Variants in ABCA12 observed in about 807,000 individuals in gnomAD.
ABCA12 encodes glucosylceramide transporter ABCA12.
Under a neutral mutation model 293.5 loss-of-function variants are expected in ABCA12, and 156 were observed. That is an observed-to-expected ratio of 0.53 (90% confidence interval 0.47 to 0.61). ABCA12 has a LOEUF of 0.61. Ranked by LOEUF, ABCA12 falls within the 20% of genes least tolerant of loss-of-function variation. The pLI is 0.00. For missense variants in ABCA12, 2,797 were observed against 3,090.2 expected (o/e 0.91, Z 2.25); for synonymous variants, 1,063 against 1,108.0 (o/e 0.96, Z 0.81).
chr2:215,017,635 T>C (rs984031724), intron 14 of ABCA12: 3 of 197,156 alleles, frequency 1.5e-5, no homozygotes, highest in Non-Finnish European at 3.1e-5. Flanking sequence ...ACAGTGAATA[T>C]AATTCTTTTT....
chr2:215,075,557 C>CA, intron 2 of ABCA12: 1 of 693,270 alleles, frequency 1.4e-6, no homozygotes, highest in Non-Finnish European at 2.6e-6. Flanking sequence ...CTCATTTATG[C>CA]AGGAAAAAAA....
intron 8 of ABCA12, 63 bp downstream of exon 8, chr2:215,036,890 G>T: frequency 7.1e-7 from 1 of 1,410,152 alleles, no homozygotes; most frequent in Non-Finnish European, 1.0e-6. Flanking sequence ...ATTGCACTCT[G>T]CTTTATATTT....
At chr2:215,009,407 A>T (rs1700324348) in intron 18 of ABCA12, among the ~76,000 whole-genome samples, 1 of 152,154 alleles carries the variant, frequency 6.6e-6, no homozygotes, top group Non-Finnish European at 1.5e-5. Flanking sequence ...AACCCCCATG[A>T]CAGAAGTGTA....
intron 45 of ABCA12, among the ~76,000 whole-genome samples, chr2:214,950,384 CTGTGTGTGTG>C (rs61619476): frequency 0.044 from 5,085 of 116,590 alleles, 131 homozygotes; most frequent in South Asian, 0.11. Context: ...ATATATATAT[CTGTGTGTGTG>C]TGTGTGTGTG....
At chr2:214,992,284 T>C (rs1699928059) in intron 23 of ABCA12, among the ~76,000 whole-genome samples, 1 of 151,150 alleles carries the variant, frequency 6.6e-6, no homozygotes, top group Non-Finnish European at 1.5e-5. Flanking sequence ...CTACTTAAAA[T>C]ACAGAAAAAT....
chr2:215,041,409 G>A (rs191367786), intron 7 of ABCA12, among the ~76,000 whole-genome samples: 66 of 152,064 alleles, frequency 4.3e-4, no homozygotes, highest in African/African-American at 1.1e-3. Flanking sequence ...AAAATTAACC[G>A]GGCATGGTGG....
intron 7 of ABCA12, among the ~76,000 whole-genome samples, chr2:215,043,701 T>C (rs1701147547): frequency 6.6e-6 from 1 of 152,094 alleles, no homozygotes. Context: ...AGTGATCATT[T>C]TAATTGTATA....
chr2:215,015,272 G>A (rs1422898207), intron 15 of ABCA12, among the ~76,000 whole-genome samples: 8 of 1,816 alleles, frequency 4.4e-3, no homozygotes, highest in Non-Finnish European at 0.019. Flanking sequence ...TACACAAACC[G>A]AGAGTTAGTA....
At chr2:215,106,196 G>A (rs1702460612) in intron 2 of ABCA12, among the ~76,000 whole-genome samples, 1 of 152,140 alleles carries the variant, frequency 6.6e-6, no homozygotes, top group South Asian at 2.1e-4. Flanking sequence ...TCAACATTAA[G>A]ACTGTACAAT....
chr2:214,941,480 C>G (rs1282280435), intron 50 of ABCA12, among the ~76,000 whole-genome samples: 1 of 152,180 alleles, frequency 6.6e-6, no homozygotes, highest in Non-Finnish European at 1.5e-5. Context: ...TGGTCCAGAG[C>G]TGAATTCAAG....
At chr2:214,964,304 C>G (rs146005594) in intron 39 of ABCA12, among the ~76,000 whole-genome samples, 2 of 152,018 alleles carry the variant, frequency 1.3e-5, no homozygotes, top group African/African-American at 4.8e-5. Context: ...AGCATTCCCC[C>G]TGAAAACTGG....
rs962567313 is a variant in ABCA12, at chr2:215,046,025, T to G, written c.694-10A>C. On this transcript the variant is annotated splice_polypyrimidine_tract_variant and intron_variant, in intron 6 of 52. Transcript: ENST00000272895. ...TGGGGTCACTGGATAGCTTAAAATA[T>G]AAAACCACAAACAGAGCAAAATGAG... 1 of 1,612,712 alleles carries G rather than the reference T, an allele frequency of 6.2e-7. No individual in the cohort carries two copies. The highest frequency in any genetic ancestry group is 8.5e-7 in the Non-Finnish European group (1 of 1,179,412).
Position 215,015,678 on chromosome 2 carries a change from A to G in ABCA12, c.1783-15T>C, listed in dbSNP as rs200719111. ...TGAGAAATAATCTGCAAATGGAGGA[A>G]GAAAAATATTTCAACTGTGAATCAT... On this transcript the variant is annotated splice_polypyrimidine_tract_variant and intron_variant, in intron 14 of 52. Coordinates refer to ENST00000272895, the MANE Select transcript of ABCA12 (RefSeq NM_173076.3). 2.5e-5 allele frequency: 40 copies of G among 1,612,008 alleles called. No individual in the cohort carries two copies. Among genetic ancestry groups the G allele is most frequent in the Admixed American group, 3.3e-5 (2 of 60,010 alleles).
intron 2 of ABCA12, among the ~76,000 whole-genome samples, chr2:215,066,087 C>T (rs1268830014): frequency 6.6e-6 from 1 of 152,056 alleles, no homozygotes; most frequent in Non-Finnish European, 1.5e-5. Flanking sequence ...GCTGCTAAAC[C>T]GCCTGTTAGC....
intron 2 of ABCA12, among the ~76,000 whole-genome samples, chr2:215,073,577 C>T (rs767233844): frequency 1.1e-4 from 17 of 152,124 alleles, no homozygotes; most frequent in African/African-American, 3.6e-4. Flanking sequence ...CCCGCCCCCA[C>T]CGAGATATTC....
chr2:214,940,635 TC>T, intron 50 of ABCA12, among the ~76,000 whole-genome samples: 1 of 152,200 alleles, frequency 6.6e-6, no homozygotes, highest in Non-Finnish European at 1.5e-5. Flanking sequence ...AATTAGTGCC[TC>T]AATATCAGAA....
intron 1 of ABCA12, among the ~76,000 whole-genome samples, chr2:215,136,830 C>T (rs1011158148): frequency 2.6e-5 from 4 of 152,068 alleles, no homozygotes; most frequent in Admixed American, 6.6e-5. Context: ...AATCATGTCA[C>T]GTCTAACTCA....
intron 26 of ABCA12, among the ~76,000 whole-genome samples, chr2:214,988,645 A>T (rs915168164): frequency 2.6e-5 from 4 of 152,168 alleles, no homozygotes; most frequent in African/African-American, 9.7e-5. Context: ...GAATCTGGTA[A>T]ATTCTCCTTA....
intron 43 of ABCA12, 101 bp downstream of exon 43, chr2:214,955,100 AG>A: frequency 7.0e-7 from 1 of 1,418,570 alleles, no homozygotes; most frequent in Non-Finnish European, 9.7e-7. Context: ...CAAATTTAAT[AG>A]AATCAAATGA....
Sources: allele counts gnomAD v4.1 joint callset (sites outside exome capture counted in the v4.1 genomes callset), GRCh38; gene constraint gnomAD v4.1.1; transcripts MANE v1.5; gene names NCBI Gene and HGNC (gene_info 2026-07-23, HGNC 2026-07-21).